Variants in PTPRG observed in about 807,000 individuals in gnomAD.
PTPRG encodes receptor-type tyrosine-protein phosphatase gamma.
PTPRG carries 102 observed loss-of-function variants against 165.3 expected under a neutral mutation model. That is an observed-to-expected ratio of 0.62 (90% CI 0.53 to 0.73). The LOEUF is 0.73. Ranked by LOEUF, PTPRG falls within the 30% of genes least tolerant of loss-of-function variation. The pLI is 0.00. For missense variants in PTPRG, 1,866 were observed against 1,861.4 expected (o/e 1.00, Z -0.05); for synonymous variants, 675 against 669.5 (o/e 1.01, Z -0.13).
At chr3:61,969,949 T>A (rs1198682447) in intron 2 of PTPRG, among the ~76,000 whole-genome samples, 4 of 152,244 alleles carry the variant, frequency 2.6e-5, no homozygotes, top group African/African-American at 9.6e-5. Context: ...GAGGTTGTTT[T>A]TTAGATTAAT....
At chr3:62,234,017 T>C (rs1417115904) in intron 14 of PTPRG, among the ~76,000 whole-genome samples, 2 of 152,220 alleles carry the variant, frequency 1.3e-5, no homozygotes, top group African/African-American at 4.8e-5. Context: ...TTGTTGTCTA[T>C]TCTTCCAGGG....
chr3:61,909,091 C>T (rs1350356732), intron 2 of PTPRG, among the ~76,000 whole-genome samples: 1 of 152,096 alleles, frequency 6.6e-6, no homozygotes, highest in African/African-American at 2.4e-5. Context: ...CAAGGCTATT[C>T]TTGGTTTCAT....
intron 8 of PTPRG, among the ~76,000 whole-genome samples, chr3:62,169,807 G>A (rs552585796): frequency 2.0e-5 from 3 of 152,252 alleles, no homozygotes; most frequent in South Asian, 2.1e-4. Context: ...GGTACGTTAC[G>A]TGGAGAGGTT....
Position 62,293,261 on chromosome 3 carries a change from T to C in PTPRG, c.4292T>C (p.Ile1431Thr), listed in dbSNP as rs142437746. Residue 1431 changes from isoleucine to threonine, a missense_variant, in exon 30 of 30, where the codon ATT becomes ACT. Physicochemically the swap from Ile to Thr is moderately conservative, Grantham distance 89. This residue lies in a region of PTPRG where 1,452 missense variants were observed against 1,463.0 expected (regional missense o/e 0.99). Transcript: ENST00000474889. ...GTAGACAAAAATGGTGCTGTTCTTA[T>C]TGCAGATGAATCAGACCCTGCTGAG... ...MTVDKNGAVLIADESDPAESM... is the reference protein window; with the variant it reads ...MTVDKNGAVLTADESDPAESM... 54 of 1,610,918 alleles carry C rather than the reference T, an allele frequency of 3.4e-5. No individual in the cohort carries two copies. In the South Asian group the frequency reaches 3.5e-4, roughly 11 times the overall value.
intron 12 of PTPRG, 67 bp downstream of exon 12, chr3:62,204,017 T>C: frequency 6.7e-7 from 1 of 1,497,302 alleles, no homozygotes; most frequent in African/African-American, 1.4e-5. Flanking sequence ...TTTCAAAAAA[T>C]TGGGAGCAGA....
At position 61,566,444 on chromosome 3, in the gene PTPRG, A is replaced by G. The variant is rs891441864; in HGVS notation, c.85+4072A>G. On this transcript the variant is annotated intron_variant, in intron 1 of 29. Coordinates refer to ENST00000474889, the MANE Select transcript of PTPRG (RefSeq NM_002841.4). ...CTTGGCATTCACGTGAGATCACTTA[A>G]AATGCCCTAGAGTAGTTACTCAGGA... Among the ~76,000 whole-genome samples the G allele has an allele frequency of 2.6e-5, 4 of 152,344 alleles. No homozygotes were observed. The East Asian group carries it at 7.7e-4, about 29-fold the overall frequency.
intron 2 of PTPRG, among the ~76,000 whole-genome samples, chr3:61,759,452 C>T (rs1385216452): frequency 2.0e-5 from 3 of 151,738 alleles, no homozygotes; most frequent in South Asian, 2.1e-4. Context: ...CCGAGGAGTT[C>T]GAGACCAGCT....
At chr3:61,600,186 A>ATGTGTGTGTGTGTGTGTGTGTG (rs1189934671) in intron 1 of PTPRG, among the ~76,000 whole-genome samples, 26 of 116,034 alleles carry the variant, frequency 2.2e-4, no homozygotes, top group African/African-American at 4.5e-4. Flanking sequence ...ATATATATAT[A>ATGTGTGTGTGTGTGTGTGTGTG]TATATATGTG....
chr3:61,860,949 A>AC (rs1398349501), intron 2 of PTPRG, among the ~76,000 whole-genome samples: 1 of 151,674 alleles, frequency 6.6e-6, no homozygotes, highest in Non-Finnish European at 1.5e-5. Flanking sequence ...TGCCACAGCC[A>AC]CCCCCCTTCC....
At chr3:61,647,172 T>C (rs1482623726) in intron 1 of PTPRG, among the ~76,000 whole-genome samples, 2 of 152,224 alleles carry the variant, frequency 1.3e-5, no homozygotes, top group Non-Finnish European at 2.9e-5. Context: ...TTTAGTTTTA[T>C]GGGAAACTGC....
At chr3:61,634,140 G>A (rs893416898) in intron 1 of PTPRG, among the ~76,000 whole-genome samples, 3 of 150,914 alleles carry the variant, frequency 2.0e-5, no homozygotes, top group African/African-American at 7.3e-5. Flanking sequence ...GTTCTTGAAC[G>A]CCTGGCCTCA....
rs187954644 is a variant in PTPRG at position 61,845,482 on chromosome 3, T to C, written c.190+96500T>C. ...GATCCTATTATCCCGGGACTTGAAA[T>C]AACATTTCCATTTTCCCCTTGAAAA... is the stretch of plus-strand genomic sequence containing the variant. On this transcript the variant is annotated intron_variant, in intron 2 of 29. Transcript: ENST00000474889. Among the ~76,000 whole-genome samples the C allele has an allele frequency of 5.3e-4, 80 of 152,296 alleles. 2 individuals are homozygous for C. Among genetic ancestry groups the C allele is most frequent in the African/African-American group, 1.9e-3 (78 of 41,568 alleles).
chr3:62,060,645 G>A (rs1233517543), intron 4 of PTPRG, among the ~76,000 whole-genome samples: 1 of 152,134 alleles, frequency 6.6e-6, no homozygotes, highest in Non-Finnish European at 1.5e-5. Flanking sequence ...GTCTTTCTTT[G>A]TTGTTGTTGT....
intron 2 of PTPRG, among the ~76,000 whole-genome samples, chr3:61,916,934 A>C (rs998961930): frequency 1.3e-5 from 2 of 152,228 alleles, no homozygotes; most frequent in African/African-American, 4.8e-5. Context: ...TGTCAAAATA[A>C]TAAGTCGAAA....
chr3:61,646,595 T>G (rs1441332413), intron 1 of PTPRG, among the ~76,000 whole-genome samples: 1 of 152,230 alleles, frequency 6.6e-6, no homozygotes, highest in African/African-American at 2.4e-5. Context: ...GAAACTGACA[T>G]TATCAATTCA....
chr3:62,267,200 C>T (rs1489839586), intron 17 of PTPRG, among the ~76,000 whole-genome samples: 1 of 152,032 alleles, frequency 6.6e-6, no homozygotes, highest in African/African-American at 2.4e-5. Flanking sequence ...AATAGTTTTA[C>T]ATGAGTTTGC....
intron 5 of PTPRG, chr3:62,118,380 T>G (rs1215475753): frequency 6.6e-6 from 1 of 152,238 alleles, no homozygotes; most frequent in Non-Finnish European, 1.5e-5. Context: ...CATAGTGTGC[T>G]GGCCCTTGTC....
intron 5 of PTPRG, among the ~76,000 whole-genome samples, chr3:62,085,141 A>G (rs1032975631): frequency 6.6e-6 from 1 of 152,198 alleles, no homozygotes; most frequent in Admixed American, 6.5e-5. Flanking sequence ...ATTGACCTCA[A>G]TTATTGCTCA....
intron 2 of PTPRG, among the ~76,000 whole-genome samples, chr3:61,945,568 AAAAAAAAAAAAAAAAAAAAAAT>A (rs1342483158): frequency 1.4e-5 from 2 of 145,124 alleles, no homozygotes; most frequent in African/African-American, 5.5e-5. Context: ...ACCAAAAAAA[AAAAAAAAAAAAAAAAAAAAAAT>A]GGAAAAAACA....
Sources: allele counts gnomAD v4.1 joint callset (sites outside exome capture counted in the v4.1 genomes callset), GRCh38; gene constraint gnomAD v4.1.1; regional missense constraint gnomAD v4.1.1; transcripts MANE v1.5; gene names NCBI Gene and HGNC (gene_info 2026-07-23, HGNC 2026-07-21).